The following ARHGAP4 variants were observed in gnomAD, a reference collection of about 807,000 sequenced individuals.
ARHGAP4 encodes rho GTPase-activating protein 4.
A neutral mutation model predicts 67.6 loss-of-function variants in ARHGAP4; 25 were observed. The observed-to-expected ratio is 0.37, with a 90% CI of 0.27 to 0.52. ARHGAP4 has a LOEUF of 0.52. Ranked by LOEUF, ARHGAP4 falls within the 20% of genes least tolerant of loss-of-function variation. The pLI is 0.92. For synonymous variants in ARHGAP4, 448 were observed against 373.7 expected (o/e 1.20, Z -2.29); for missense variants, 804 against 854.6 (o/e 0.94, Z 0.74).
chrX:153,926,074 G>A (rs1444249512), intron 1 of ARHGAP4, 62 bp downstream of exon 1: 14 of 1,170,003 alleles, frequency 1.2e-5, no homozygotes, highest in African/African-American at 9.0e-5. Flanking sequence ...GACGCTTGGA[G>A]CTCCCTCACG....
rs966554813 is a variant in ARHGAP4 at position 153,920,543 on chromosome X, C to G, written c.681+83G>C. 5.8e-6 allele frequency: 6 copies of G among 1,034,252 alleles called. No individual in the cohort carries two copies. The African/African-American group carries it at 9.4e-5, about 16-fold the overall frequency. The allele number at this position is 1,034,252 out of a possible 1,213,427, so 85.2% of individuals were successfully genotyped here. On this transcript the variant is annotated intron_variant, in intron 5 of 21. Coordinates refer to ENST00000350060, the MANE Select transcript of ARHGAP4 (RefSeq NM_001666.5). Reference sequence around the variant, plus strand: ...CACTCCTGCCCTCCCCTGCACCCAGCCCTGACTTCCCCCTCAGCACAGCAG... The same window carrying G: ...CACTCCTGCCCTCCCCTGCACCCAGGCCTGACTTCCCCCTCAGCACAGCAG...
intron 5 of ARHGAP4, chrX:153,920,410 G>A (rs1365381651): frequency 2.3e-6 from 1 of 435,536 alleles, no homozygotes; most frequent in African/African-American, 2.5e-5. Context: ...CTGGGAGCAT[G>A]GAGAGGCTGC....
Position 153,907,844 on chromosome X carries a change from G to T in ARHGAP4, c.2726C>A (p.Ala909Asp). 1 of 1,016,656 alleles carries T rather than the reference G, an allele frequency of 9.8e-7. No homozygotes were observed. Among genetic ancestry groups the T allele is most frequent in the Admixed American group, 3.9e-5 (1 of 25,513 alleles). The allele number at this position is 1,016,656 out of a possible 1,213,427, so 83.8% of individuals were successfully genotyped here. The change falls in exon 22 of 22, where the codon GCC becomes GAC. Residue 909 changes from alanine (A) to aspartate (D), a missense_variant. This residue lies in a region of ARHGAP4 where 400 missense variants were observed against 348.7 expected (regional missense o/e 1.15). Coordinates refer to ENST00000350060, the MANE Select transcript of ARHGAP4 (RefSeq NM_001666.5). ...SPSPGPRSPK[A>D]PPSSRLGRNK... The stretch of plus-strand genomic sequence containing the variant: ...CCTGCCCAGGCGGCTGCTGGGCGGG[G>T]CCTTTGGGCTTCGGGGCCCAGGACT...
chrX:153,920,602 G>A (rs372327790), intron 5 of ARHGAP4, 24 bp downstream of exon 5: 69 of 1,181,351 alleles, frequency 5.8e-5, no homozygotes, highest in African/African-American at 3.0e-4. Flanking sequence ...ATAGGCCTGC[G>A]TCTGAGGTGC....
chrX:153,908,052 G>T, intron 21 of ARHGAP4, 90 bp from the exon 22 acceptor site: 1 of 830,318 alleles, frequency 1.2e-6, no homozygotes, highest in South Asian at 3.6e-5. Flanking sequence ...CACTCCCAAA[G>T]CAAGCCCTCA....
At chrX:153,925,963 G>A (rs2065125234) in intron 1 of ARHGAP4, among the ~76,000 whole-genome samples, 173 bp downstream of exon 1, 1 of 112,797 alleles carries the variant, frequency 8.9e-6, no homozygotes, top group Admixed American at 9.2e-5. Context: ...GGCGGTTGAG[G>A]CCAAATGGGC....
chrX:153,909,993 C>T lies in ARHGAP4; in HGVS notation c.2230+19G>A. ...ACTAGGGTGGGGACAGGGTGGGGCTCTCTGCCCATCGCCCTCACCATCCTC... is the reference window on the plus strand; with the variant it reads ...ACTAGGGTGGGGACAGGGTGGGGCTTTCTGCCCATCGCCCTCACCATCCTC... On this transcript the variant is annotated intron_variant, in intron 18 of 21. Coordinates refer to ENST00000350060, the MANE Select transcript of ARHGAP4 (RefSeq NM_001666.5). The T allele has an allele frequency of 8.3e-7, 1 of 1,210,691 alleles. No homozygotes were observed. Among genetic ancestry groups the T allele is most frequent in the Non-Finnish European group, 1.1e-6 (1 of 895,175 alleles).
In ARHGAP4 at chrX:153,918,946, T is replaced by C. The variant is rs2065073512; in HGVS notation, c.918A>G (p.Glu306=). 1.7e-6 allele frequency: 2 copies of C among 1,210,680 alleles called. No individual in the cohort carries two copies. The highest frequency in any genetic ancestry group is 2.2e-5 in the Admixed American group (1 of 45,917). ...ASQVQGLGSL[E]EAVEALDPPG... is the part of the protein sequence containing the mutation. The stretch of plus-strand genomic sequence containing the variant: ...GAGGATCCAGGGCCTCCACAGCTTC[T>C]TCCAGGCTGCCCAGGCCCTGCACTT... Residue 306 remains glutamate (E), a synonymous_variant, in exon 7 of 22, where the codon GAA becomes GAG. Transcript: ENST00000350060.
At position 153,907,523 on chromosome X, in the gene ARHGAP4, C is replaced by A; in HGVS notation, c.*206G>T. 1 of 380,228 alleles carries A rather than the reference C, an allele frequency of 2.6e-6. No individual in the cohort carries two copies. Among genetic ancestry groups the A allele is most frequent in the Non-Finnish European group, 4.5e-6 (1 of 221,650 alleles). 31.3% of individuals were successfully genotyped at this position (380,228 alleles called of 1,213,427 possible). On this transcript the variant is annotated 3_prime_UTR_variant, in exon 22 of 22. Coordinates refer to ENST00000350060, the MANE Select transcript of ARHGAP4 (RefSeq NM_001666.5). ...CCCAGCATCCTTCCTCAGCTGCCTC[C>A]AAAAGGGGCCTGGGCCAGGGCTGAG...
chrX:153,926,212 G>A lies in ARHGAP4; in HGVS notation c.-10C>T, dbSNP rs2065127466. On this transcript the variant is annotated 5_prime_UTR_variant, in exon 1 of 22. Coordinates refer to ENST00000350060, the MANE Select transcript of ARHGAP4 (RefSeq NM_001666.5). ...TCCCGTGAGCGGCCATGGCGGCCTCGCGGCCGCGCCGTCGAACCCCACTGC... is the reference window on the plus strand; with the variant it reads ...TCCCGTGAGCGGCCATGGCGGCCTCACGGCCGCGCCGTCGAACCCCACTGC... 2 of 1,186,962 alleles carry A rather than the reference G, an allele frequency of 1.7e-6. No homozygotes were observed. Among genetic ancestry groups the A allele is most frequent in the South Asian group, 1.8e-5 (1 of 55,148 alleles).
chrX:153,925,706 G>C (rs782211374), intron 1 of ARHGAP4, among the ~76,000 whole-genome samples: 1 of 111,941 alleles, frequency 8.9e-6, no homozygotes, highest in East Asian at 2.8e-4. Context: ...GGACTGCAGT[G>C]GGGTTACGGC....
intron 8 of ARHGAP4, 62 bp from the exon 9 acceptor site, chrX:153,913,662 C>T: frequency 1.7e-6 from 2 of 1,171,662 alleles, no homozygotes; most frequent in Middle Eastern, 2.4e-4. Context: ...ACAGGAAGTC[C>T]AAGTCAGAAG....
At chrX:153,909,317 C>T in intron 20 of ARHGAP4, 126 bp downstream of exon 20, 1 of 869,342 alleles carries the variant, frequency 1.2e-6, no homozygotes, top group South Asian at 2.5e-5. Flanking sequence ...CTGTCACAAG[C>T]TGGGTCATTC....
chrX:153,919,807 G>A, intron 5 of ARHGAP4: 1 of 715,424 alleles, frequency 1.4e-6, no homozygotes, highest in Non-Finnish European at 1.9e-6. Context: ...TTTTTTTTGA[G>A]ACAGAGTCTC....
intron 7 of ARHGAP4, 176 bp from the exon 8 acceptor site, chrX:153,914,055 C>G: frequency 4.4e-6 from 2 of 450,113 alleles, no homozygotes; most frequent in Non-Finnish European, 7.7e-6. Flanking sequence ...CAAACCAAGA[C>G]TTGTCCACAG....
chrX:153,919,476 A>G (rs2065077378), intron 5 of ARHGAP4, 193 bp from the exon 6 acceptor site: 1 of 1,115,830 alleles, frequency 9.0e-7, no homozygotes, highest in Admixed American at 2.8e-5. Context: ...AGGTGACTTG[A>G]TTCCCCGGCT....
At chrX:153,908,527 AGGTTGTGCGCTTGCCAG>A (rs1444127486) in intron 21 of ARHGAP4, among the ~76,000 whole-genome samples, 2 of 110,741 alleles carry the variant, frequency 1.8e-5, no homozygotes, top group East Asian at 5.7e-4. Context: ...AGGGTCCCCC[AGGTTGTGCGCTTGCCAG>A]GGCCACATCT....
At chrX:153,911,916 T>TAAA (rs1209252413) in intron 12 of ARHGAP4, among the ~76,000 whole-genome samples, 1 of 42,515 alleles carries the variant, frequency 2.4e-5, no homozygotes, top group Non-Finnish European at 3.9e-5. Flanking sequence ...TCTCAACAAA[T>TAAA]AAAAAAAAAA....
rs186003379 is a variant in ARHGAP4, at chrX:153,912,969, G to A, written c.1439+55C>T. On this transcript the variant is annotated intron_variant, in intron 11 of 21. Transcript: ENST00000350060. ...GATTGGGCAGCTGAGCTGGGCCCCA[G>A]GAAGAGAAGAGATGGCGGACCGTCG... 19 of 1,170,590 alleles carry A rather than the reference G, an allele frequency of 1.6e-5. No individual in the cohort carries two copies. The East Asian group carries it at 5.8e-4, about 36-fold the overall frequency.
Sources: gnomAD v4.1 joint callset for allele counts (sites outside exome capture counted in the v4.1 genomes callset) on GRCh38, gnomAD v4.1.1 for gene constraint, gnomAD v4.1.1 regional missense constraint, MANE v1.5 for transcripts, NCBI Gene and HGNC (gene_info 2026-07-23, HGNC 2026-07-21) for gene names.